Variants in OR9Q1 observed in about 807,000 individuals in gnomAD.
OR9Q1 encodes olfactory receptor 9Q1.
For missense variants in OR9Q1, 374 were observed against 378.8 expected, an observed-to-expected ratio of 0.99 and a Z score of 0.11; for synonymous variants, 153 against 148.6, an observed-to-expected ratio of 1.03 and a Z score of -0.22.
intron 2 of OR9Q1, chr11:58,144,878 C>T (rs944436378): frequency 6.6e-6 from 1 of 152,518 alleles, no homozygotes; most frequent in Non-Finnish European, 1.5e-5. Context: ...CTCCTCTATG[C>T]CATAGTCATG....
intron 1 of OR9Q1, among the ~76,000 whole-genome samples, chr11:58,027,696 A>C (rs1041126903): frequency 6.6e-6 from 1 of 152,164 alleles, no homozygotes; most frequent in Non-Finnish European, 1.5e-5. Context: ...TCTTAAAAAA[A>C]TCTCAGCCCA....
chr11:58,130,305 G>A (rs1854128175), intron 2 of OR9Q1, among the ~76,000 whole-genome samples: 1 of 152,054 alleles, frequency 6.6e-6, no homozygotes, highest in South Asian at 2.1e-4. Flanking sequence ...TAACATAGTA[G>A]GCAGGAAAAA....
chr11:58,031,434 T>C, intron 1 of OR9Q1: 1 of 1,614,162 alleles, frequency 6.2e-7, no homozygotes, highest in Non-Finnish European at 8.5e-7. Context: ...CTCACACCCA[T>C]CTTGCCAATC....
At chr11:58,078,418 C>T (rs979985362) in intron 2 of OR9Q1, 1 of 152,186 alleles carries the variant, frequency 6.6e-6, no homozygotes, top group African/African-American at 2.4e-5. Flanking sequence ...CAAAGGGTGA[C>T]ATTTGTTAGG....
chr11:58,032,224 C>T (rs1044388425), intron 1 of OR9Q1, among the ~76,000 whole-genome samples: 1 of 152,100 alleles, frequency 6.6e-6, no homozygotes, highest in African/African-American at 2.4e-5. Context: ...ATCAAACTAT[C>T]AATGTCATTT....
chr11:58,110,405 C>T (rs1170222305), intron 2 of OR9Q1, among the ~76,000 whole-genome samples: 1 of 152,126 alleles, frequency 6.6e-6, no homozygotes, highest in Non-Finnish European at 1.5e-5. Context: ...TCATCACCTG[C>T]CTTGAGTTTC....
intron 2 of OR9Q1, among the ~76,000 whole-genome samples, chr11:58,133,142 C>A (rs970287643): frequency 6.6e-6 from 1 of 152,204 alleles, no homozygotes; most frequent in African/African-American, 2.4e-5. Flanking sequence ...AGAGAAAATG[C>A]ACTACAGACC....
intron 2 of OR9Q1, chr11:58,144,967 A>G (rs1854286576): frequency 6.5e-6 from 1 of 153,806 alleles, no homozygotes; most frequent in African/African-American, 2.4e-5. Context: ...CACTGGCTGC[A>G]CCTTCTCTAT....
chr11:58,139,626 T>A (rs1424950881), intron 2 of OR9Q1, among the ~76,000 whole-genome samples: 1 of 152,190 alleles, frequency 6.6e-6, no homozygotes, highest in Non-Finnish European at 1.5e-5. Context: ...TCATTTTTTA[T>A]GGCTGCATAG....
chr11:58,055,336 CCTT>C (rs1404540618), intron 1 of OR9Q1, among the ~76,000 whole-genome samples: 1 of 152,070 alleles, frequency 6.6e-6, no homozygotes, highest in Non-Finnish European at 1.5e-5. Context: ...TACCTAAAAG[CCTT>C]CTTAAAGAAG....
At chr11:58,178,290 G>A (rs1854624069) in intron 2 of OR9Q1, among the ~76,000 whole-genome samples, 1 of 152,136 alleles carries the variant, frequency 6.6e-6, no homozygotes. Context: ...TTAAGGTGGT[G>A]GACATCTAGT....
chr11:58,048,679 A>AAACATATATAT (rs745596668), intron 1 of OR9Q1, among the ~76,000 whole-genome samples: 1 of 131,398 alleles, frequency 7.6e-6, no homozygotes, highest in Non-Finnish European at 1.6e-5. Flanking sequence ...TAAAAAAAAA[A>AAACATATATAT]ATATATATAT....
At chr11:58,084,072 G>A (rs757401339) in intron 2 of OR9Q1, among the ~76,000 whole-genome samples, 7 of 151,810 alleles carry the variant, frequency 4.6e-5, no homozygotes, top group Non-Finnish European at 8.8e-5. Flanking sequence ...TAATGATATC[G>A]ATTCTCCCAA....
chr11:58,089,386 C>T (rs542813481), intron 2 of OR9Q1, among the ~76,000 whole-genome samples: 3 of 151,876 alleles, frequency 2.0e-5, no homozygotes, highest in South Asian at 2.1e-4. Context: ...TTCCCAGCAC[C>T]GTTTATTACA....
At chr11:58,112,375 A>G (rs1237105407) in intron 2 of OR9Q1, among the ~76,000 whole-genome samples, 1 of 152,228 alleles carries the variant, frequency 6.6e-6, no homozygotes, top group Non-Finnish European at 1.5e-5. Flanking sequence ...GGAACTAAAT[A>G]AACCACAGAT....
chr11:58,078,805 G>C (rs1241219361), intron 2 of OR9Q1, among the ~76,000 whole-genome samples: 1 of 152,170 alleles, frequency 6.6e-6, no homozygotes, highest in Non-Finnish European at 1.5e-5. Flanking sequence ...ACATCGAATG[G>C]AGCTGATATG....
rs1853240150 is a variant in OR9Q1, at chr11:58,048,331, C to T, written c.-92-7539C>T. 2.0e-5 allele frequency among the ~76,000 whole-genome samples: 3 copies of T among 152,154 alleles called. No individual in the cohort carries two copies. The South Asian group carries it at 6.2e-4, about 32-fold the overall frequency. On this transcript the variant is annotated intron_variant, in intron 1 of 2. Coordinates refer to ENST00000335397, the MANE Select transcript of OR9Q1 (RefSeq NM_001005212.4). Reference sequence around the variant, plus strand: ...GATCATTACATATTGTATACATGTACTGAAATATCACACTGTATCTCATGA... The same window carrying T: ...GATCATTACATATTGTATACATGTATTGAAATATCACACTGTATCTCATGA...
intron 2 of OR9Q1, among the ~76,000 whole-genome samples, chr11:58,178,765 A>G (rs1378123055): frequency 6.6e-6 from 1 of 151,614 alleles, no homozygotes; most frequent in African/African-American, 2.4e-5. Context: ...GTTTACCTGT[A>G]TCTGTTTTGT....
chr11:58,071,497 A>T (rs1204441610), intron 2 of OR9Q1, among the ~76,000 whole-genome samples: 1 of 151,840 alleles, frequency 6.6e-6, no homozygotes, highest in Non-Finnish European at 1.5e-5. Flanking sequence ...AAAATAAAAT[A>T]AAAATAAAGA....
Sources: gnomAD v4.1 joint callset for allele counts (sites outside exome capture counted in the v4.1 genomes callset) on GRCh38, gnomAD v4.1.1 for gene constraint, MANE v1.5 for transcripts, NCBI Gene and HGNC (gene_info 2026-07-23, HGNC 2026-07-21) for gene names.